Variants in RNF115 observed in about 807,000 individuals in gnomAD.
RNF115 encodes ring finger protein 115.
A neutral mutation model predicts 39.2 loss-of-function variants in RNF115; 31 were observed. The observed-to-expected ratio is 0.79, with a 90% CI of 0.59 to 1.07. RNF115 has a LOEUF of 1.07. RNF115 is among the 50% of genes least tolerant of loss of function. The pLI is 0.00. For synonymous variants in RNF115, 124 were observed against 131.0 expected (o/e 0.95, Z 0.37); for missense variants, 384 against 381.7 (o/e 1.01, Z -0.05).
At chr1:145,815,423 G>A (rs1169562395) in intron 1 of RNF115, among the ~76,000 whole-genome samples, 11 of 152,202 alleles carry the variant, frequency 7.2e-5, no homozygotes, top group Admixed American at 3.3e-4. Flanking sequence ...ACCAAAAGTA[G>A]GTTACTCTGC....
At chr1:145,795,534 CAG>C (rs1553719853) in intron 1 of RNF115, among the ~76,000 whole-genome samples, 1 of 152,120 alleles carries the variant, frequency 6.6e-6, no homozygotes, top group Non-Finnish European at 1.5e-5. Flanking sequence ...TAGCTAGACA[CAG>C]GGCACTGATT....
intron 1 of RNF115, among the ~76,000 whole-genome samples, 183 bp downstream of exon 1, chr1:145,823,589 A>G (rs1553724822): frequency 1.3e-5 from 2 of 151,982 alleles, no homozygotes; most frequent in African/African-American, 4.8e-5. Context: ...GGTGGGCAGG[A>G]GGTACGGGGC....
chr1:145,767,006 A>G (rs1365031841), intron 4 of RNF115, among the ~76,000 whole-genome samples: 1 of 132,732 alleles, frequency 7.5e-6, no homozygotes, highest in Non-Finnish European at 1.6e-5. Flanking sequence ...CTCACTTCCC[A>G]GTAGGGGTGG....
intron 5 of RNF115, among the ~76,000 whole-genome samples, chr1:145,752,409 A>T (rs1324674361): frequency 6.6e-6 from 1 of 152,046 alleles, no homozygotes; most frequent in Non-Finnish European, 1.5e-5. Context: ...TACAACTCTC[A>T]GACCTGAATA....
chr1:145,774,300 A>ATTT (rs35937477), intron 3 of RNF115, among the ~76,000 whole-genome samples: 26 of 139,232 alleles, frequency 1.9e-4, no homozygotes, highest in African/African-American at 6.4e-4. Flanking sequence ...TTCCCCCAAC[A>ATTT]TTTTTTTTTT....
chr1:145,787,061 A>G, intron 2 of RNF115: 12 of 1,275,012 alleles, frequency 9.4e-6, no homozygotes, highest in Non-Finnish European at 1.2e-5. Flanking sequence ...TCAACTTTAG[A>G]TTCTGCCAAC....
chr1:145,770,135 C>T (rs1254969989), intron 4 of RNF115, among the ~76,000 whole-genome samples: 2 of 152,124 alleles, frequency 1.3e-5, no homozygotes, highest in Non-Finnish European at 2.9e-5. Context: ...GAGAAAAACT[C>T]TAAGGTCATT....
intron 1 of RNF115, among the ~76,000 whole-genome samples, chr1:145,805,415 G>A (rs1649419368): frequency 6.6e-6 from 1 of 151,072 alleles, no homozygotes; most frequent in Non-Finnish European, 1.5e-5. Context: ...AAATTATCCA[G>A]GCCAAGTTTA....
At chr1:145,764,814 C>T (rs1211560600) in intron 4 of RNF115, among the ~76,000 whole-genome samples, 4 of 151,702 alleles carry the variant, frequency 2.6e-5, no homozygotes, top group African/African-American at 2.4e-5. Flanking sequence ...GGGGTGCCTC[C>T]GCCCGGCCAG....
At position 145,751,965 on chromosome 1, in the gene RNF115, A is replaced by T. The variant is rs144605424; in HGVS notation, c.501-455T>A. On this transcript the variant is annotated intron_variant, in intron 5 of 8. Coordinates refer to ENST00000582693, the MANE Select transcript of RNF115 (RefSeq NM_014455.4). ...GGAGCTTTCAAGTAGAGAAGCAGCCATAGCAGTCTCTCTGAATCACAACTT... is the reference window on the plus strand; with the variant it reads ...GGAGCTTTCAAGTAGAGAAGCAGCCTTAGCAGTCTCTCTGAATCACAACTT... 4.7e-3 allele frequency among the ~76,000 whole-genome samples: 717 copies of T among 152,310 alleles called. 5 individuals are homozygous for T. Among genetic ancestry groups the T allele is most frequent in the Non-Finnish European group, 7.5e-3 (511 of 68,020 alleles).
In RNF115 at chr1:145,746,819, A is replaced by T. The variant is rs1430348744; in HGVS notation, c.*47T>A. 5.0e-6 allele frequency: 8 copies of T among 1,587,850 alleles called. No homozygotes were observed. The highest frequency in any genetic ancestry group is 6.9e-6 in the Non-Finnish European group (8 of 1,162,500). ...TTTTGTTTTGATACAATTTACAGCT[A>T]TGGTAAGATGATTACCACAGCCCTG... On this transcript the variant is annotated 3_prime_UTR_variant, in exon 9 of 9. Transcript: ENST00000582693.
intron 1 of RNF115, among the ~76,000 whole-genome samples, chr1:145,819,872 T>C (rs1481098796): frequency 1.3e-5 from 2 of 152,158 alleles, no homozygotes; most frequent in African/African-American, 4.8e-5. Flanking sequence ...ACCCCATCTC[T>C]ACCAAAAATA....
chr1:145,764,739 C>A (rs1658690436), intron 4 of RNF115, among the ~76,000 whole-genome samples: 1 of 149,796 alleles, frequency 6.7e-6, no homozygotes, highest in Middle Eastern at 3.2e-3. Context: ...GCCAGCTGCC[C>A]CATCCAGGAG....
intron 1 of RNF115, among the ~76,000 whole-genome samples, chr1:145,805,641 G>C (rs1433322613): frequency 6.6e-6 from 1 of 152,048 alleles, no homozygotes; most frequent in Non-Finnish European, 1.5e-5. Flanking sequence ...GATTATTTCA[G>C]GGGTAAAATT....
intron 3 of RNF115, chr1:145,773,475 AAAAG>A (rs782696055): frequency 6.6e-6 from 1 of 152,174 alleles, no homozygotes; most frequent in Non-Finnish European, 1.5e-5. Flanking sequence ...AAAGAAAAAA[AAAAG>A]AAAGAAAAAG....
chr1:145,750,837 G>T (rs1302101938), intron 6 of RNF115, among the ~76,000 whole-genome samples: 1 of 152,152 alleles, frequency 6.6e-6, no homozygotes, highest in African/African-American at 2.4e-5. Flanking sequence ...TGGTCCAAAA[G>T]CTTCATCTTC....
chr1:145,814,745 TAC>T (rs1355498414), intron 1 of RNF115, among the ~76,000 whole-genome samples: 7 of 152,144 alleles, frequency 4.6e-5, no homozygotes, highest in Non-Finnish European at 8.8e-5. Context: ...CCCCAATATA[TAC>T]ATTTATATTT....
chr1:145,747,333 G>A lies in RNF115; in HGVS notation c.784-336C>T, dbSNP rs180818467. Among the ~76,000 whole-genome samples the A allele has an allele frequency of 3.5e-3, 534 of 152,262 alleles. 1 individual carries two copies. The highest frequency in any genetic ancestry group is 5.2e-3 in the Non-Finnish European group (351 of 68,014). On this transcript the variant is annotated intron_variant, in intron 8 of 8. Coordinates refer to ENST00000582693, the MANE Select transcript of RNF115 (RefSeq NM_014455.4). ...ACTTCCCAATATGGTCTAGAGCAGA[G>A]GTCAGCAAACTTTTTGTTTAAAGGG...
At chr1:145,792,215 G>A (rs996085158) in intron 1 of RNF115, among the ~76,000 whole-genome samples, 1 of 152,192 alleles carries the variant, frequency 6.6e-6, no homozygotes, top group African/African-American at 2.4e-5. Context: ...ACTGTGCCCA[G>A]TTCAACTATT....
Sources: gnomAD v4.1 joint callset for allele counts (sites outside exome capture counted in the v4.1 genomes callset) on GRCh38, gnomAD v4.1.1 for gene constraint, MANE v1.5 for transcripts, NCBI Gene and HGNC (gene_info 2026-07-23, HGNC 2026-07-21) for gene names.